Variants in PRKCE observed in about 807,000 individuals in gnomAD.
PRKCE encodes protein kinase C epsilon type.
Under a neutral mutation model 85.4 loss-of-function variants are expected in PRKCE, and 16 were observed. The ratio of observed to expected loss-of-function variants is 0.19; its 90% CI spans 0.13 to 0.28. The LOEUF is 0.28. PRKCE is among the 10% of genes least tolerant of loss of function. The probability of loss-of-function intolerance (pLI) is 1.00; values close to 1 mark genes in which losing one functional copy is unlikely to be tolerated. For missense variants in PRKCE, 573 were observed against 975.2 expected (o/e 0.59, Z 5.49); for synonymous variants, 388 against 371.5 (o/e 1.04, Z -0.51).
chr2:45,878,024 G>A (rs1044049725), intron 2 of PRKCE, among the ~76,000 whole-genome samples: 3 of 152,238 alleles, frequency 2.0e-5, no homozygotes, highest in Middle Eastern at 3.4e-3. Flanking sequence ...TTTCTTCCCT[G>A]CTATTATAAA....
chr2:45,736,686 T>C (rs1682091668), intron 1 of PRKCE, among the ~76,000 whole-genome samples: 1 of 152,220 alleles, frequency 6.6e-6, no homozygotes, highest in African/African-American at 2.4e-5. Flanking sequence ...GTCAAGTTTC[T>C]GGAGAACAGG....
At chr2:45,801,228 T>C (rs146119138) in intron 1 of PRKCE, among the ~76,000 whole-genome samples, 487 of 152,230 alleles carry the variant, frequency 3.2e-3, no homozygotes, top group Admixed American at 4.5e-3. Context: ...TGGGGTACCA[T>C]AGAAGAGTGT....
chr2:46,161,041 A>G (rs893280000), intron 14 of PRKCE, among the ~76,000 whole-genome samples: 3 of 152,128 alleles, frequency 2.0e-5, no homozygotes, highest in African/African-American at 7.2e-5. Context: ...ATTTAGGTTC[A>G]CCTTCTTTCT....
chr2:45,940,228 G>A (rs1421609524), intron 2 of PRKCE, among the ~76,000 whole-genome samples: 2 of 152,282 alleles, frequency 1.3e-5, no homozygotes, highest in East Asian at 3.9e-4. Context: ...GTGTCTAGGA[G>A]TCTGGTGAGA....
At chr2:46,023,684 A>G (rs1706871531) in intron 10 of PRKCE, among the ~76,000 whole-genome samples, 2 of 152,134 alleles carry the variant, frequency 1.3e-5, no homozygotes, top group Admixed American at 6.5e-5. Flanking sequence ...GGAGGTCACA[A>G]ATTGGGGCTG....
intron 1 of PRKCE, among the ~76,000 whole-genome samples, chr2:45,826,701 C>T (rs1025376245): frequency 6.6e-6 from 1 of 152,206 alleles, no homozygotes; most frequent in Admixed American, 6.5e-5. Flanking sequence ...ACCCCACCCA[C>T]CCTGTTCTGA....
chr2:46,000,203 A>G (rs776032823), intron 6 of PRKCE, among the ~76,000 whole-genome samples: 6 of 150,674 alleles, frequency 4.0e-5, no homozygotes, highest in Non-Finnish European at 7.4e-5. Context: ...CTTGCCAGAC[A>G]TTATATACCG....
intron 8 of PRKCE, among the ~76,000 whole-genome samples, chr2:46,005,850 G>A (rs1433475625): frequency 6.6e-6 from 1 of 152,156 alleles, no homozygotes; most frequent in African/African-American, 2.4e-5. Context: ...GATGTACTCT[G>A]GGGCTGCAGA....
rs1003197594 is a variant in PRKCE, at chr2:45,737,326, A to G, written c.348+84878A>G. ...ATCAGGAACTCCCAAACACTCTTCA[A>G]GGAGTCATCCCTCACTCCCCACCCT... On this transcript the variant is annotated intron_variant, in intron 1 of 14. Transcript: ENST00000306156. Among the ~76,000 whole-genome samples the G allele has an allele frequency of 9.9e-5, 15 of 152,170 alleles. 1 individual carries two copies. Among genetic ancestry groups the G allele is most frequent in the Admixed American group, 2.0e-4 (3 of 15,274 alleles).
At chr2:46,031,969 C>T (rs1707553078) in intron 10 of PRKCE, among the ~76,000 whole-genome samples, 2 of 152,186 alleles carry the variant, frequency 1.3e-5, no homozygotes, top group African/African-American at 2.4e-5. Flanking sequence ...TCATTTTGAA[C>T]ATTTACTTTT....
chr2:46,077,746 C>T (rs1308333769), intron 10 of PRKCE, among the ~76,000 whole-genome samples: 1 of 152,146 alleles, frequency 6.6e-6, no homozygotes, highest in South Asian at 2.1e-4. Context: ...GAGACTCTTT[C>T]ATTCTGTATG....
chr2:45,891,775 C>T (rs1301885874), intron 2 of PRKCE, among the ~76,000 whole-genome samples: 1 of 152,220 alleles, frequency 6.6e-6, no homozygotes, highest in African/African-American at 2.4e-5. Flanking sequence ...AGTCACAAGG[C>T]CTTGGCCCTC....
chr2:45,653,567 A>G (rs1277359217), intron 1 of PRKCE, among the ~76,000 whole-genome samples: 2 of 151,792 alleles, frequency 1.3e-5, no homozygotes, highest in Non-Finnish European at 2.9e-5. Flanking sequence ...GTGTAGAGCA[A>G]TTGCTTTCTA....
chr2:45,651,992 C>A lies in PRKCE; in HGVS notation c.-109C>A. 2.3e-6 allele frequency: 2 copies of A among 865,766 alleles called. No individual in the cohort carries two copies. Among genetic ancestry groups the A allele is most frequent in the Non-Finnish European group, 3.6e-6 (2 of 551,312 alleles). The allele number at this position is 865,766 out of a possible 1,614,324, so 53.6% of individuals were successfully genotyped here. ...GGTGTAGGGAGTGTGCGGGGTGGGGCGAAAGGGGACCCAAGAGTCCCTGTG... is the reference window on the plus strand; with the variant it reads ...GGTGTAGGGAGTGTGCGGGGTGGGGAGAAAGGGGACCCAAGAGTCCCTGTG... On this transcript the variant is annotated 5_prime_UTR_variant, in exon 1 of 15. Transcript: ENST00000306156.
intron 2 of PRKCE, among the ~76,000 whole-genome samples, chr2:45,865,932 T>C (rs4605414): frequency 0.49 from 73,612 of 151,308 alleles, 18,715 homozygotes; most frequent in East Asian, 0.86. Flanking sequence ...ATCCTACTGC[T>C]TCAGCCTCCC....
intron 2 of PRKCE, among the ~76,000 whole-genome samples, chr2:45,934,529 A>C (rs1310743434): frequency 6.6e-6 from 1 of 152,048 alleles, no homozygotes; most frequent in East Asian, 1.9e-4. Flanking sequence ...CATGCCTGTA[A>C]TTCCAGCTAC....
In PRKCE at chr2:46,004,512, GC is replaced by G; in HGVS notation, c.967-28del. Reference sequence around the variant, plus strand: ...AAAACTCTCAACCCTCCCTTCTGATGCCTCTGTCCCTGCTTTCTCTCCTCTC... The same window carrying G: ...AAAACTCTCAACCCTCCCTTCTGATGCTCTGTCCCTGCTTTCTCTCCTCTC... On this transcript the variant is annotated intron_variant, in intron 7 of 14. Transcript: ENST00000306156. This position sits in a 1 kb window ranked among gnomAD's most constrained non-coding sequence, Gnocchi z 4.1. 6.5e-7 allele frequency: 1 copy of G among 1,531,734 alleles called. No homozygotes were observed. The highest frequency in any genetic ancestry group is 8.8e-7 in the Non-Finnish European group (1 of 1,136,024). 94.9% of individuals were successfully genotyped at this position (1,531,734 alleles called of 1,614,324 possible). A position where few individuals can be genotyped will look rare whatever the true frequency, so the allele number is the denominator to read the frequency against.
At chr2:45,922,834 A>C (rs1698351304) in intron 2 of PRKCE, among the ~76,000 whole-genome samples, 1 of 152,254 alleles carries the variant, frequency 6.6e-6, no homozygotes, top group Non-Finnish European at 1.5e-5. Flanking sequence ...TTAAACGCCT[A>C]AGAACCATCA....
chr2:45,950,071 C>G (rs1392529723), intron 2 of PRKCE, among the ~76,000 whole-genome samples: 3 of 152,110 alleles, frequency 2.0e-5, no homozygotes, highest in African/African-American at 4.8e-5. Flanking sequence ...GTTATTACAT[C>G]TATTCAAGTT....
Sources: gnomAD v4.1 joint callset for allele counts (sites outside exome capture counted in the v4.1 genomes callset) on GRCh38, gnomAD v4.1.1 for gene constraint, Gnocchi (gnomAD v3.1) non-coding constraint, MANE v1.5 for transcripts, NCBI Gene and HGNC (gene_info 2026-07-23, HGNC 2026-07-21) for gene names.